The following SDK1 variants were observed in gnomAD, a reference collection of about 807,000 sequenced individuals.
SDK1 encodes the protein protein sidekick-1.
In SDK1, 157 loss-of-function variants were observed where a neutral mutation model predicts 245.5. The ratio of observed to expected loss-of-function variants is 0.64; its 90% CI spans 0.56 to 0.73. The LOEUF is 0.73. Among genes scored for constraint, SDK1 ranks in the 30% least tolerant of loss-of-function variants. The pLI is 0.00. For missense variants in SDK1, 3,583 were observed against 3,002.3 expected (o/e 1.19, Z -4.52); for synonymous variants, 1,647 against 1,278.5 (o/e 1.29, Z -6.15).
At chr7:4,071,216 G>C (rs930460819) in intron 20 of SDK1, among the ~76,000 whole-genome samples, 2 of 151,664 alleles carry the variant, frequency 1.3e-5, no homozygotes, top group Non-Finnish European at 2.9e-5. Context: ...GTAGAGACAG[G>C]GTTTTACCAT....
At chr7:4,092,206 T>G (rs991380186) in intron 22 of SDK1, among the ~76,000 whole-genome samples, 3 of 152,214 alleles carry the variant, frequency 2.0e-5, no homozygotes, top group Admixed American at 2.0e-4. Flanking sequence ...TGACTTCTGC[T>G]TTCTGTCAAG....
intron 42 of SDK1, 102 bp from the exon 43 acceptor site, chr7:4,241,691 C>T: frequency 6.9e-7 from 1 of 1,448,368 alleles, no homozygotes. Context: ...GCTCTGCGTG[C>T]AGCAGGACTC....
chr7:3,353,676 T>C (rs765363230), intron 1 of SDK1, among the ~76,000 whole-genome samples: 13 of 152,164 alleles, frequency 8.5e-5, no homozygotes, highest in Non-Finnish European at 1.5e-4. Context: ...GGATGATATT[T>C]CCCCTGTCAT....
chr7:3,967,276 C>T (rs746015793), intron 9 of SDK1, 42 bp from the exon 10 acceptor site: 1 of 1,501,342 alleles, frequency 6.7e-7, no homozygotes, highest in Non-Finnish European at 9.3e-7. Context: ...GTGAGCCTCT[C>T]AGGAACAAGG....
chr7:4,178,363 A>G (rs1179979583), intron 34 of SDK1, 122 bp from the exon 35 acceptor site: 1 of 747,210 alleles, frequency 1.3e-6, no homozygotes, highest in Non-Finnish European at 2.4e-6. Flanking sequence ...ACAGATTTCT[A>G]ACAATCCCGC....
intron 5 of SDK1, among the ~76,000 whole-genome samples, chr7:3,862,344 T>C (rs1780714301): frequency 6.6e-6 from 1 of 152,180 alleles, no homozygotes; most frequent in Non-Finnish European, 1.5e-5. Context: ...AGATCCCTGG[T>C]TCAGACAGCA....
intron 4 of SDK1, among the ~76,000 whole-genome samples, chr7:3,688,925 A>G (rs1784365136): frequency 1.3e-5 from 2 of 152,116 alleles, no homozygotes; most frequent in South Asian, 2.1e-4. Context: ...CCCCGACCCT[A>G]TGATGAATCA....
intron 1 of SDK1, among the ~76,000 whole-genome samples, chr7:3,488,292 TTCTC>T (rs948026483): frequency 1.8e-4 from 27 of 152,322 alleles, no homozygotes; most frequent in African/African-American, 6.3e-4. Context: ...TTTCTGTGCT[TTCTC>T]TTTCTTTAAC....
intron 1 of SDK1, among the ~76,000 whole-genome samples, chr7:3,541,051 T>A (rs943375063): frequency 1.3e-5 from 2 of 152,224 alleles, no homozygotes; most frequent in African/African-American, 4.8e-5. Flanking sequence ...ATTTCCAAAG[T>A]GTCTCAAACA....
rs369914567 is a variant in SDK1 at position 4,268,615 on chromosome 7, G to A, written c.*3231G>A. On this transcript the variant is annotated 3_prime_UTR_variant, in exon 45 of 45. Transcript: ENST00000404826. ...TGTATCTAACTGTGACTGGGCTGAA[G>A]CATGATGTTTGCCTAATGGTTCGTA... is the stretch of plus-strand genomic sequence containing the variant. 3 of 1,366,916 alleles carry A rather than the reference G, an allele frequency of 2.2e-6. No individual in the cohort carries two copies. The highest frequency in any genetic ancestry group is 2.9e-6 in the Non-Finnish European group (3 of 1,021,518). The allele number at this position is 1,366,916 out of a possible 1,614,324, so 84.7% of individuals were successfully genotyped here. A position where few individuals can be genotyped will look rare whatever the true frequency, so the allele number is the denominator to read the frequency against.
At chr7:3,580,187 G>T (rs917678497) in intron 1 of SDK1, among the ~76,000 whole-genome samples, 1 of 152,242 alleles carries the variant, frequency 6.6e-6, no homozygotes. Flanking sequence ...TGGTTAGGAA[G>T]AATCAGTATC....
In SDK1 at chr7:3,566,250, AG is replaced by A. The variant is rs1458736780; in HGVS notation, c.299-52829del. Among the ~76,000 whole-genome samples the A allele has an allele frequency of 1.4e-4, 17 of 121,608 alleles. No individual in the cohort carries two copies. In the Admixed American group the frequency reaches 1.7e-3, roughly 12 times the overall value. The allele number at this position is 121,608 out of a possible 152,430, so 79.8% of individuals were successfully genotyped here. A position where few individuals can be genotyped will look rare whatever the true frequency, so the allele number is the denominator to read the frequency against. On this transcript the variant is annotated intron_variant, in intron 1 of 44. Transcript: ENST00000404826. Reference sequence around the variant, plus strand: ...TTTTTTTTTTTTTTTTTTGAGATGGAGTCTCGCTCTGTCGCCCAGGCTGGAG... The same window carrying A: ...TTTTTTTTTTTTTTTTTTGAGATGGATCTCGCTCTGTCGCCCAGGCTGGAG...
chr7:3,560,640 C>G (rs1468773839), intron 1 of SDK1, among the ~76,000 whole-genome samples: 1 of 152,188 alleles, frequency 6.6e-6, no homozygotes, highest in Admixed American at 6.5e-5. Flanking sequence ...TTGGCACGAT[C>G]CTGTAAAAAC....
intron 4 of SDK1, among the ~76,000 whole-genome samples, chr7:3,773,792 C>T (rs906174640): frequency 5.3e-5 from 8 of 152,322 alleles, no homozygotes; most frequent in Non-Finnish European, 8.8e-5. Flanking sequence ...TTTTCTGAGC[C>T]TCTGCCTTTT....
chr7:4,161,756 AC>A (rs1562371320), intron 31 of SDK1, 29 bp from the exon 32 acceptor site: 1 of 1,596,898 alleles, frequency 6.3e-7, no homozygotes. Flanking sequence ...AACCACCCTG[AC>A]CCCCGCTTTC....
intron 19 of SDK1, among the ~76,000 whole-genome samples, chr7:4,063,288 C>T (rs1041548625): frequency 2.6e-5 from 4 of 152,114 alleles, no homozygotes; most frequent in African/African-American, 9.7e-5. Flanking sequence ...AAATCAGTAG[C>T]ATTTCTATAA....
intron 5 of SDK1, among the ~76,000 whole-genome samples, chr7:3,822,509 C>G (rs543318087): frequency 6.6e-6 from 1 of 152,100 alleles, no homozygotes; most frequent in African/African-American, 2.4e-5. Context: ...GTAGCTCACA[C>G]CTGTGATCCC....
At chr7:3,918,602 T>A (rs1432271161) in intron 5 of SDK1, among the ~76,000 whole-genome samples, 1 of 152,198 alleles carries the variant, frequency 6.6e-6, no homozygotes. Flanking sequence ...GTAATAATCA[T>A]AGAAATAAAG....
At chr7:3,585,597 G>C (rs1055137564) in intron 1 of SDK1, among the ~76,000 whole-genome samples, 1 of 152,142 alleles carries the variant, frequency 6.6e-6, no homozygotes, top group Non-Finnish European at 1.5e-5. Context: ...GAAGGAAATT[G>C]ATCAGGGTCC....
Sources: gnomAD v4.1 joint callset for allele counts (sites outside exome capture counted in the v4.1 genomes callset) on GRCh38, gnomAD v4.1.1 for gene constraint, MANE v1.5 for transcripts, NCBI Gene and HGNC (gene_info 2026-07-23, HGNC 2026-07-21) for gene names.